TMEM196: variants seen among roughly 807,000 people sequenced by gnomAD.
The protein encoded by TMEM196 is transmembrane protein 196.
Under a neutral mutation model 20.0 loss-of-function variants are expected in TMEM196, and 17 were observed. The observed-to-expected ratio is 0.85, with a 90% CI of 0.58 to 1.27. TMEM196 has a LOEUF of 1.27. Ranked by LOEUF, TMEM196 falls within the 50% of genes most tolerant of loss-of-function variation. The probability of loss-of-function intolerance (pLI) is 0.00; values close to 1 mark genes in which losing one functional copy is unlikely to be tolerated. For synonymous variants in TMEM196, 113 were observed against 88.9 expected (o/e 1.27, Z -1.52); for missense variants, 267 against 223.0 (o/e 1.20, Z -1.26).
intron 1 of TMEM196, among the ~76,000 whole-genome samples, chr7:19,761,457 A>G (rs1330738995): frequency 6.6e-6 from 1 of 152,190 alleles, no homozygotes; most frequent in Non-Finnish European, 1.5e-5. Context: ...AAAGAGACAT[A>G]ACCTCTCACA....
rs1562612121 is a variant in TMEM196, at chr7:19,736,352, A to ATT, written c.148-6915_148-6914insAA. 6.5e-3 allele frequency among the ~76,000 whole-genome samples: 677 copies of ATT among 103,888 alleles called. 21 individuals are homozygous for ATT. Among genetic ancestry groups the ATT allele is most frequent in the African/African-American group, 0.011 (332 of 31,374 alleles). 68.2% of individuals were successfully genotyped at this position (103,888 alleles called of 152,430 possible). A position where few individuals can be genotyped will look rare whatever the true frequency, so the allele number is the denominator to read the frequency against. On this transcript the variant is annotated intron_variant, in intron 1 of 4. Coordinates refer to ENST00000405844, the MANE Select transcript of TMEM196 (RefSeq NM_001363562.2). Reference sequence around the variant, plus strand: ...AGATCCCACTTTTCTAGTGGTTCCTACTATATATATATATATATATATATA... The same window carrying ATT: ...AGATCCCACTTTTCTAGTGGTTCCTATTCTATATATATATATATATATATATA...
At chr7:19,762,801 T>C (rs1688501440) in intron 1 of TMEM196, among the ~76,000 whole-genome samples, 1 of 152,152 alleles carries the variant, frequency 6.6e-6, no homozygotes, top group Non-Finnish European at 1.5e-5. Flanking sequence ...TATTTGAAAA[T>C]AGCCAGTGAC....
intron 1 of TMEM196, among the ~76,000 whole-genome samples, chr7:19,768,631 A>T (rs1397397164): frequency 6.6e-6 from 1 of 152,166 alleles, no homozygotes; most frequent in East Asian, 1.9e-4. Context: ...ATTAATTGTT[A>T]TCTAACAGTT....
Position 19,759,712 on chromosome 7 carries a change from A to G in TMEM196, c.147+12838T>C, listed in dbSNP as rs984519378. 2.0e-5 allele frequency among the ~76,000 whole-genome samples: 3 copies of G among 151,880 alleles called. No homozygotes were observed. The Admixed American group carries it at 2.0e-4, about 10-fold the overall frequency. On this transcript the variant is annotated intron_variant, in intron 1 of 4. Transcript: ENST00000405844. ...CTAATTATCTACTTCTCAAAAGACTAAACAGAAACTCGATTCTATCATTTG... is the reference window on the plus strand; with the variant it reads ...CTAATTATCTACTTCTCAAAAGACTGAACAGAAACTCGATTCTATCATTTG...
chr7:19,726,907 T>A (rs1330678017), intron 2 of TMEM196, among the ~76,000 whole-genome samples: 1 of 152,138 alleles, frequency 6.6e-6, no homozygotes, highest in Non-Finnish European at 1.5e-5. Flanking sequence ...TCAATATGGG[T>A]TACTCATTCC....
chr7:19,770,003 C>A (rs1785803713), intron 1 of TMEM196, among the ~76,000 whole-genome samples: 1 of 152,142 alleles, frequency 6.6e-6, no homozygotes. Flanking sequence ...GCTAGTCACC[C>A]AGCTAAGTAA....
At chr7:19,748,744 A>C (rs192139477) in intron 1 of TMEM196, among the ~76,000 whole-genome samples, 13 of 152,212 alleles carry the variant, frequency 8.5e-5, no homozygotes, top group Non-Finnish European at 1.5e-5. Context: ...CTAAAAGGCA[A>C]GTGGAAATTT....
At chr7:19,756,272 A>G (rs886334084) in intron 1 of TMEM196, among the ~76,000 whole-genome samples, 2 of 152,104 alleles carry the variant, frequency 1.3e-5, no homozygotes, top group African/African-American at 2.4e-5. Flanking sequence ...TAATCAACAT[A>G]AAACGACTTG....
intron 1 of TMEM196, among the ~76,000 whole-genome samples, chr7:19,766,664 A>G (rs933457846): frequency 2.0e-5 from 3 of 151,422 alleles, no homozygotes; most frequent in African/African-American, 7.3e-5. Flanking sequence ...AAACCCAAAA[A>G]CTGTTGCAGT....
At chr7:19,737,951 G>A (rs1160902877) in intron 1 of TMEM196, among the ~76,000 whole-genome samples, 1 of 151,748 alleles carries the variant, frequency 6.6e-6, no homozygotes, top group Non-Finnish European at 1.5e-5. Flanking sequence ...TAGGGGGTTA[G>A]GGAATCCCAG....
intron 3 of TMEM196, among the ~76,000 whole-genome samples, chr7:19,725,086 C>G (rs552968518): frequency 3.3e-5 from 5 of 152,094 alleles, no homozygotes; most frequent in Non-Finnish European, 7.4e-5. Flanking sequence ...TTAAAAAGCC[C>G]CTTTATACTT....
chr7:19,757,270 T>A (rs977232880), intron 1 of TMEM196, among the ~76,000 whole-genome samples: 1 of 149,892 alleles, frequency 6.7e-6, no homozygotes, highest in African/African-American at 2.5e-5. Context: ...GCCTCCAAGG[T>A]TCAAGCGATT....
chr7:19,749,862 T>C (rs1208407291), intron 1 of TMEM196, among the ~76,000 whole-genome samples: 1 of 152,204 alleles, frequency 6.6e-6, no homozygotes, highest in Non-Finnish European at 1.5e-5. Flanking sequence ...CATGCAATCT[T>C]AACTTGCCTG....
chr7:19,743,008 C>T (rs1417686135), intron 1 of TMEM196, among the ~76,000 whole-genome samples: 25 of 152,270 alleles, frequency 1.6e-4, no homozygotes. Context: ...TCATACTTAT[C>T]TCCATTAGCT....
intron 1 of TMEM196, among the ~76,000 whole-genome samples, chr7:19,747,945 G>T (rs1784819095): frequency 6.6e-6 from 1 of 152,094 alleles, no homozygotes; most frequent in Admixed American, 6.5e-5. Flanking sequence ...CTACCACTTG[G>T]TGGCAGTAGC....
intron 1 of TMEM196, among the ~76,000 whole-genome samples, chr7:19,758,090 A>T (rs768376130): frequency 6.6e-5 from 10 of 152,124 alleles, no homozygotes; most frequent in Non-Finnish European, 1.5e-4. Context: ...AATGACTTTG[A>T]CATTTCCAGT....
intron 1 of TMEM196, among the ~76,000 whole-genome samples, chr7:19,772,281 T>G (rs1320947755): frequency 3.2e-5 from 4 of 124,788 alleles, no homozygotes; most frequent in African/African-American, 1.2e-4. Flanking sequence ...CAGTGGAAAC[T>G]AACCCCCCAC....
At chr7:19,744,151 T>C (rs1220696256) in intron 1 of TMEM196, among the ~76,000 whole-genome samples, 1 of 152,188 alleles carries the variant, frequency 6.6e-6, no homozygotes, top group Non-Finnish European at 1.5e-5. Context: ...AATGGTGGTT[T>C]CTGAGCCTCG....
intron 1 of TMEM196, among the ~76,000 whole-genome samples, chr7:19,751,391 C>A (rs1784955310): frequency 2.0e-5 from 3 of 152,162 alleles, no homozygotes; most frequent in Non-Finnish European, 4.4e-5. Flanking sequence ...AGAACCAAGG[C>A]TTAAAAGAAA....
Sources: gnomAD v4.1 joint callset for allele counts (sites outside exome capture counted in the v4.1 genomes callset) on GRCh38, gnomAD v4.1.1 for gene constraint, MANE v1.5 for transcripts, NCBI Gene and HGNC (gene_info 2026-07-23, HGNC 2026-07-21) for gene names.